CFAP44: variants seen among roughly 807,000 people sequenced by gnomAD.
CFAP44 encodes cilia- and flagella-associated protein 44.
CFAP44 carries 134 observed loss-of-function variants against 216.2 expected under a neutral mutation model. The ratio of observed to expected loss-of-function variants is 0.62; its 90% CI spans 0.54 to 0.72. The LOEUF is 0.72. CFAP44 is among the 30% of genes least tolerant of loss of function. The probability of loss-of-function intolerance (pLI) is 0.00; values close to 1 mark genes in which losing one functional copy is unlikely to be tolerated. For synonymous variants in CFAP44, 700 were observed against 727.6 expected (o/e 0.96, Z 0.61); for missense variants, 2,035 against 2,182.1 (o/e 0.93, Z 1.34).
chr3:113,323,927 C>T (rs1576547953), intron 28 of CFAP44, among the ~76,000 whole-genome samples: 1 of 151,892 alleles, frequency 6.6e-6, no homozygotes, highest in Non-Finnish European at 1.5e-5. Context: ...GCCTATAGTC[C>T]CAGCTACTTG....
rs1949821120 is a variant in CFAP44, at chr3:113,290,748, A to G, written c.*809T>C. On this transcript the variant is annotated 3_prime_UTR_variant, in exon 35 of 35. Transcript: ENST00000393845. ...TTATCTCCTCATCTATATCAAAACC[A>G]GCAAATGGCCCAAGTAAAACCTGAA... 1 of 152,260 alleles carries G rather than the reference A, an allele frequency of 6.6e-6. No individual in the cohort carries two copies. The highest frequency in any genetic ancestry group is 2.1e-4 in the South Asian group (1 of 4,832). The allele number at this position is 152,260 out of a possible 1,614,324, so 9.4% of individuals were successfully genotyped here.
At position 113,291,405 on chromosome 3, in the gene CFAP44, A is replaced by C. The variant is rs1358846052; in HGVS notation, c.*152T>G. 1.2e-6 allele frequency: 1 copy of C among 859,510 alleles called. No homozygotes were observed. Among genetic ancestry groups the C allele is most frequent in the African/African-American group, 1.7e-5 (1 of 58,682 alleles). The allele number at this position is 859,510 out of a possible 1,614,324, so 53.2% of individuals were successfully genotyped here. A position where few individuals can be genotyped will look rare whatever the true frequency, so the allele number is the denominator to read the frequency against. On this transcript the variant is annotated 3_prime_UTR_variant, in exon 35 of 35. Coordinates refer to ENST00000393845, the MANE Select transcript of CFAP44 (RefSeq NM_001164496.2). ...GTTCTAAGATAACCAAATTGTAGAG[A>C]GATTCTTAAAGTGACTTAACGTGAC...
intron 15 of CFAP44, among the ~76,000 whole-genome samples, chr3:113,384,284 C>T (rs1346182476): frequency 6.6e-6 from 1 of 152,060 alleles, no homozygotes; most frequent in South Asian, 2.1e-4. Context: ...TGGTCTCGAT[C>T]CCCTGACCTT....
intron 18 of CFAP44, among the ~76,000 whole-genome samples, chr3:113,370,003 A>T (rs534726149): frequency 6.6e-6 from 1 of 152,336 alleles, no homozygotes; most frequent in South Asian, 2.1e-4. Context: ...ATTTCTGGAC[A>T]CATACACCCT....
intron 34 of CFAP44, 68 bp downstream of exon 34, chr3:113,294,616 ATTC>A (rs1157854841): frequency 6.9e-7 from 1 of 1,452,356 alleles, no homozygotes; most frequent in African/African-American, 1.4e-5. Flanking sequence ...AGTACTTAAC[ATTC>A]TTGTGAATAG....
At chr3:113,332,108 A>G (rs1576552105) in intron 25 of CFAP44, among the ~76,000 whole-genome samples, 1 of 152,218 alleles carries the variant, frequency 6.6e-6, no homozygotes, top group African/African-American at 2.4e-5. Context: ...GTGTAATGCA[A>G]TTAAGTTGAA....
intron 17 of CFAP44, among the ~76,000 whole-genome samples, chr3:113,375,990 T>C (rs1933332278): frequency 6.6e-6 from 1 of 151,814 alleles, no homozygotes; most frequent in Admixed American, 6.6e-5. Context: ...GTGCGACAAA[T>C]AGAAATAATT....
At position 113,427,095 on chromosome 3, in the gene CFAP44, T is replaced by C. The variant is rs1934981149; in HGVS notation, c.253+92A>G. On this transcript the variant is annotated intron_variant, in intron 3 of 34. Coordinates refer to ENST00000393845, the MANE Select transcript of CFAP44 (RefSeq NM_001164496.2). ...CCCACACATATGTACATCCTGCACATTTTTCTTTCTATGGATTTATAACTC... is the reference window on the plus strand; with the variant it reads ...CCCACACATATGTACATCCTGCACACTTTTCTTTCTATGGATTTATAACTC... The C allele has an allele frequency of 5.1e-6, 7 of 1,378,244 alleles. No homozygotes were observed. The East Asian group carries it at 1.4e-4, about 28-fold the overall frequency. The allele number at this position is 1,378,244 out of a possible 1,614,324, so 85.4% of individuals were successfully genotyped here.
intron 22 of CFAP44, among the ~76,000 whole-genome samples, chr3:113,345,081 A>G (rs1008593175): frequency 6.7e-6 from 1 of 148,436 alleles, no homozygotes; most frequent in Non-Finnish European, 1.5e-5. Flanking sequence ...AATAGACTAT[A>G]TATTATATAT....
At chr3:113,433,818 G>C (rs1325282150) in intron 1 of CFAP44, 149 bp from the exon 2 acceptor site, 3 of 605,878 alleles carry the variant, frequency 5.0e-6, no homozygotes, top group Non-Finnish European at 8.8e-6. Context: ...CCAGTAGGAG[G>C]GTGCAACTAC....
At chr3:113,293,552 C>T (rs1391114027) in intron 34 of CFAP44, among the ~76,000 whole-genome samples, 2 of 152,196 alleles carry the variant, frequency 1.3e-5, no homozygotes, top group Admixed American at 6.5e-5. Flanking sequence ...TGCCTCTAAG[C>T]TGTTTCCTCT....
intron 31 of CFAP44, among the ~76,000 whole-genome samples, chr3:113,304,821 T>G (rs1489661076): frequency 6.6e-6 from 1 of 152,210 alleles, no homozygotes; most frequent in Non-Finnish European, 1.5e-5. Flanking sequence ...ATTTCCAAAG[T>G]GCTAATGGGC....
intron 6 of CFAP44, among the ~76,000 whole-genome samples, chr3:113,414,798 C>G (rs907288540): frequency 2.0e-5 from 3 of 152,140 alleles, no homozygotes; most frequent in African/African-American, 7.2e-5. Flanking sequence ...CGATGTTCAT[C>G]AGGGATATTG....
intron 32 of CFAP44, among the ~76,000 whole-genome samples, chr3:113,301,565 A>G (rs1053424265): frequency 1.3e-5 from 2 of 152,196 alleles, no homozygotes; most frequent in Non-Finnish European, 2.9e-5. Context: ...TATACTATAT[A>G]CCTCAATTTT....
chr3:113,304,980 C>T, intron 31 of CFAP44, 56 bp downstream of exon 31: 2 of 1,459,438 alleles, frequency 1.4e-6, no homozygotes, highest in Non-Finnish European at 1.8e-6. Context: ...CTCTGAAAAG[C>T]TTGGGTGTGA....
intron 34 of CFAP44, among the ~76,000 whole-genome samples, chr3:113,292,328 G>A (rs1300288759): frequency 2.6e-5 from 4 of 152,048 alleles, no homozygotes; most frequent in African/African-American, 9.7e-5. Context: ...CTAAAACAAT[G>A]GCAATTTAAT....
chr3:113,406,961 T>C lies in CFAP44; in HGVS notation c.971A>G (p.Asp324Gly), dbSNP rs1327116104. 2 of 1,614,158 alleles carry C rather than the reference T, an allele frequency of 1.2e-6. No individual in the cohort carries two copies. The highest frequency in any genetic ancestry group is 2.7e-5 in the African/African-American group (2 of 75,042). ...TGGGAGCTCCATGTAGCCTTCTATA[T>C]CAGTAGTGATTGTTTTGCCAAATCG... is the stretch of plus-strand genomic sequence containing the variant. ...LGRFGKTITT[D>G]IEGYMELPDG... The change falls in exon 8 of 35, where the codon GAT becomes GGT. Residue 324 changes from aspartate (D) to glycine (G), a missense_variant. Asp to Gly is a moderately conservative substitution (Grantham distance 94, BLOSUM62 -1). This residue lies in a region of CFAP44 where 1,883 missense variants were observed against 2,023.7 expected (regional missense o/e 0.93). Coordinates refer to ENST00000393845, the MANE Select transcript of CFAP44 (RefSeq NM_001164496.2).
rs1950512625 is a variant in CFAP44, at chr3:113,358,659, T to C, written c.3065+86A>G. The stretch of plus-strand genomic sequence containing the variant: ...TGGGTACTTCCAGAGCCCTCTTAAC[T>C]GGCCACTTCACTGACACTACTATAA... On this transcript the variant is annotated intron_variant, in intron 22 of 34. Coordinates refer to ENST00000393845, the MANE Select transcript of CFAP44 (RefSeq NM_001164496.2). 6.2e-6 allele frequency: 9 copies of C among 1,461,158 alleles called. No homozygotes were observed. In the South Asian group the frequency reaches 1.0e-4, roughly 16 times the overall value. The allele number at this position is 1,461,158 out of a possible 1,614,324, so 90.5% of individuals were successfully genotyped here.
intron 33 of CFAP44, among the ~76,000 whole-genome samples, chr3:113,295,818 T>C (rs930910749): frequency 2.6e-5 from 4 of 152,216 alleles, no homozygotes; most frequent in African/African-American, 7.2e-5. Context: ...ATTTCCAAAT[T>C]GGCACAGCAT....
Sources: gnomAD v4.1 joint callset for allele counts (sites outside exome capture counted in the v4.1 genomes callset) on GRCh38, gnomAD v4.1.1 for gene constraint, gnomAD v4.1.1 regional missense constraint, MANE v1.5 for transcripts, NCBI Gene and HGNC (gene_info 2026-07-23, HGNC 2026-07-21) for gene names.